Variants in TTLL11 observed in about 807,000 individuals in gnomAD.
The protein encoded by TTLL11 is tubulin tyrosine ligase like 11, also known as tubulin polyglutamylase TTLL11.
Under a neutral mutation model 51.7 loss-of-function variants are expected in TTLL11, and 42 were observed. The ratio of observed to expected loss-of-function variants is 0.81; its 90% CI spans 0.64 to 1.05. TTLL11 has a LOEUF of 1.05. TTLL11 is among the 50% of genes least tolerant of loss of function. The pLI is 0.00. For missense variants in TTLL11, 799 were observed against 940.4 expected (o/e 0.85, Z 1.97); for synonymous variants, 381 against 383.5 (o/e 0.99, Z 0.08).
At chr9:121,919,319 A>T (rs1040291359) in intron 6 of TTLL11, among the ~76,000 whole-genome samples, 1 of 152,216 alleles carries the variant, frequency 6.6e-6, no homozygotes, top group African/African-American at 2.4e-5. Flanking sequence ...TGGATTTTAA[A>T]AAGAAACACA....
intron 2 of TTLL11, among the ~76,000 whole-genome samples, chr9:122,034,686 G>A (rs1214253402): frequency 3.3e-5 from 5 of 152,214 alleles, no homozygotes; most frequent in African/African-American, 9.6e-5. Flanking sequence ...AGAGACAGGT[G>A]TGGGAGTGGC....
At chr9:121,834,967 C>G (rs1341338826) in intron 8 of TTLL11, among the ~76,000 whole-genome samples, 6 of 152,250 alleles carry the variant, frequency 3.9e-5, no homozygotes, top group Middle Eastern at 3.4e-3. Flanking sequence ...AATTTCTTTT[C>G]ACCCTGCTGG....
At chr9:122,076,699 G>C (rs1845869394) in intron 1 of TTLL11, among the ~76,000 whole-genome samples, 1 of 148,616 alleles carries the variant, frequency 6.7e-6, no homozygotes, top group African/African-American at 2.5e-5. Context: ...AAAGTTCCAA[G>C]GAACATAAGA....
intron 6 of TTLL11, among the ~76,000 whole-genome samples, chr9:121,919,307 T>C (rs1840441954): frequency 6.6e-6 from 1 of 152,128 alleles, no homozygotes; most frequent in Admixed American, 6.5e-5. Context: ...TACTTGAGAA[T>C]ATGGATTTTA....
At chr9:121,965,512 C>T (rs1842373980) in intron 6 of TTLL11, among the ~76,000 whole-genome samples, 1 of 152,184 alleles carries the variant, frequency 6.6e-6, no homozygotes, top group South Asian at 2.1e-4. Context: ...TCCCCTCCCA[C>T]CAGGTCTTGT....
chr9:121,978,898 C>G (rs772103279), intron 4 of TTLL11, among the ~76,000 whole-genome samples: 1 of 152,192 alleles, frequency 6.6e-6, no homozygotes, highest in Non-Finnish European at 1.5e-5. Context: ...TCCAAACTCA[C>G]TCTGTGGTCA....
intron 8 of TTLL11, among the ~76,000 whole-genome samples, chr9:121,850,759 G>A (rs1326098471): frequency 7.9e-5 from 12 of 152,100 alleles, no homozygotes; most frequent in Admixed American, 7.9e-4. Context: ...TGCTTTACCA[G>A]TTCTCTAGGT....
At chr9:121,916,662 T>C (rs529856617) in intron 6 of TTLL11, among the ~76,000 whole-genome samples, 18 of 152,282 alleles carry the variant, frequency 1.2e-4, no homozygotes, top group African/African-American at 4.3e-4. Flanking sequence ...CTTTAAAAGA[T>C]GATCAGAAAT....
intron 8 of TTLL11, among the ~76,000 whole-genome samples, chr9:121,835,677 T>C (rs1176046407): frequency 6.6e-6 from 1 of 152,206 alleles, no homozygotes; most frequent in Admixed American, 6.5e-5. Flanking sequence ...GCAACTCTTC[T>C]ATCATTTCAT....
chr9:121,983,323 C>T lies in TTLL11; in HGVS notation c.1269+5872G>A, dbSNP rs377269237. ...TTTGGACGTGTTCAGTGTTTGATGG[C>T]TATTAACTATCCAAGTAGAAAATTA... is the stretch of plus-strand genomic sequence containing the variant. On this transcript the variant is annotated intron_variant, in intron 4 of 8. Transcript: ENST00000321582. 1.2e-4 allele frequency among the ~76,000 whole-genome samples: 19 copies of T among 152,252 alleles called. 1 individual carries two copies. Among genetic ancestry groups the T allele is most frequent in the African/African-American group, 4.6e-4 (19 of 41,566 alleles).
chr9:122,092,595 G>C, intron 1 of TTLL11, 92 bp downstream of exon 1: 1 of 1,492,634 alleles, frequency 6.7e-7, no homozygotes, highest in Non-Finnish European at 8.9e-7. Flanking sequence ...CTCAGCCCTC[G>C]CCCGCCGACC....
chr9:122,092,205 C>G (rs1356237847), intron 1 of TTLL11, among the ~76,000 whole-genome samples: 1 of 152,192 alleles, frequency 6.6e-6, no homozygotes, highest in Non-Finnish European at 1.5e-5. Context: ...GCAACTTACT[C>G]AAGGTCACAC....
intron 6 of TTLL11, among the ~76,000 whole-genome samples, chr9:121,922,584 A>C (rs929904154): frequency 2.6e-5 from 4 of 152,218 alleles, no homozygotes; most frequent in Non-Finnish European, 4.4e-5. Flanking sequence ...GAGACTCACA[A>C]AGGGTAAAAT....
intron 5 of TTLL11, among the ~76,000 whole-genome samples, chr9:121,974,425 C>T (rs2131659021): frequency 6.6e-6 from 1 of 152,264 alleles, no homozygotes; most frequent in East Asian, 1.9e-4. Flanking sequence ...ATATAATCCT[C>T]TCTAAACCCA....
intron 3 of TTLL11, among the ~76,000 whole-genome samples, chr9:121,998,577 C>T (rs920213294): frequency 7.9e-5 from 12 of 151,922 alleles, no homozygotes; most frequent in Non-Finnish European, 1.8e-4. Flanking sequence ...TGAGGCACCG[C>T]ACCCAGCCTA....
intron 6 of TTLL11, among the ~76,000 whole-genome samples, chr9:121,939,383 G>T (rs370897142): frequency 3.1e-4 from 47 of 152,226 alleles, no homozygotes; most frequent in African/African-American, 1.0e-3. Context: ...AAGCAAAAAG[G>T]CTGGTTGCCA....
chr9:122,082,243 C>T (rs1049248781), intron 1 of TTLL11, among the ~76,000 whole-genome samples: 7 of 152,200 alleles, frequency 4.6e-5, no homozygotes, highest in Non-Finnish European at 7.3e-5. Context: ...GTGGCTCACG[C>T]CTGTAATCCC....
At chr9:122,090,167 A>G (rs989954273) in intron 1 of TTLL11, among the ~76,000 whole-genome samples, 1 of 143,706 alleles carries the variant, frequency 7.0e-6, no homozygotes, top group Admixed American at 6.8e-5. Context: ...GATCAACATT[A>G]CCATTATGCG....
chr9:122,032,061 C>T (rs996003233), intron 2 of TTLL11, among the ~76,000 whole-genome samples: 1 of 152,152 alleles, frequency 6.6e-6, no homozygotes, highest in Non-Finnish European at 1.5e-5. Context: ...AGGTAACGGA[C>T]GGGTGTTCTT....
Sources: gnomAD v4.1 joint callset for allele counts (sites outside exome capture counted in the v4.1 genomes callset) on GRCh38, gnomAD v4.1.1 for gene constraint, MANE v1.5 for transcripts, NCBI Gene and HGNC (gene_info 2026-07-23, HGNC 2026-07-21) for gene names.